SPTLC2: variants seen among roughly 807,000 people sequenced by gnomAD.
SPTLC2 encodes serine palmitoyltransferase long chain base subunit 2.
Under a neutral mutation model 62.0 loss-of-function variants are expected in SPTLC2, and 21 were observed. The observed-to-expected ratio is 0.34, with a 90% CI of 0.24 to 0.49. SPTLC2 has a LOEUF of 0.49. SPTLC2 is among the 20% of genes least tolerant of loss of function. The pLI is 0.99. For synonymous variants in SPTLC2, 261 were observed against 261.8 expected, an observed-to-expected ratio of 1.00 and a Z score of 0.03; for missense variants, 511 against 713.0, an observed-to-expected ratio of 0.72 and a Z score of 3.23.
intron 1 of SPTLC2, among the ~76,000 whole-genome samples, chr14:77,604,297 A>T (rs1203431947): frequency 4.0e-5 from 6 of 151,684 alleles, no homozygotes; most frequent in African/African-American, 1.5e-4. Context: ...GGGTTCACAA[A>T]CTCCTGCCAC....
intron 3 of SPTLC2, among the ~76,000 whole-genome samples, chr14:77,577,440 CTG>C (rs1230764423): frequency 2.0e-5 from 3 of 152,150 alleles, no homozygotes; most frequent in Admixed American, 6.5e-5. Context: ...TAAGGATAAA[CTG>C]TTACTGTTTT....
At chr14:77,574,424 G>C (rs1005799541) in intron 4 of SPTLC2, among the ~76,000 whole-genome samples, 24 of 152,286 alleles carry the variant, frequency 1.6e-4, no homozygotes, top group African/African-American at 5.8e-4. Context: ...GGTCTCTTTG[G>C]AAAACAGTTT....
At chr14:77,572,150 T>A (rs1386373350) in intron 4 of SPTLC2, among the ~76,000 whole-genome samples, 1 of 152,248 alleles carries the variant, frequency 6.6e-6, no homozygotes, top group Non-Finnish European at 1.5e-5. Context: ...ATGTCGCCAC[T>A]GCACAATGCT....
rs1423406419 is a variant in SPTLC2 at position 77,507,078 on chromosome 14, CAG to C, written c.*5204_*5205del. ...GGGTGGACTGTGAATGTGACACTTC[CAG>C]ACTCACCAGAGATTAGAAAAAACAT... is the stretch of plus-strand genomic sequence containing the variant. On this transcript the variant is annotated 3_prime_UTR_variant, in exon 12 of 12. Coordinates refer to ENST00000216484, the MANE Select transcript of SPTLC2 (RefSeq NM_004863.4). 2 of 152,234 alleles carry C rather than the reference CAG, an allele frequency of 1.3e-5. No homozygotes were observed. The highest frequency in any genetic ancestry group is 2.9e-5 in the Non-Finnish European group (2 of 68,058). The allele number at this position is 152,234 out of a possible 1,614,324, so 9.4% of individuals were successfully genotyped here. A position where few individuals can be genotyped will look rare whatever the true frequency, so the allele number is the denominator to read the frequency against.
At chr14:77,573,212 AAAGCTGGT>A (rs2079693772) in intron 4 of SPTLC2, among the ~76,000 whole-genome samples, 1 of 152,138 alleles carries the variant, frequency 6.6e-6, no homozygotes, top group South Asian at 2.1e-4. Flanking sequence ...GAGATGAAGA[AAAGCTGGT>A]AAATGGGTAC....
chr14:77,512,070 C>T lies in SPTLC2; in HGVS notation c.*214G>A, dbSNP rs145806321. ...CTGAAAAAGCAAAGTGAGTCACCTT[C>T]GTTTTTAAAGGTGAGATTTAGCAAA... On this transcript the variant is annotated 3_prime_UTR_variant, in exon 12 of 12. Transcript: ENST00000216484. 172 of 616,830 alleles carry T rather than the reference C, an allele frequency of 2.8e-4. 1 individual carries two copies. In the African/African-American group the frequency reaches 2.9e-3, roughly 10 times the overall value. 38.2% of individuals were successfully genotyped at this position (616,830 alleles called of 1,614,324 possible). A position where few individuals can be genotyped will look rare whatever the true frequency, so the allele number is the denominator to read the frequency against.
intron 2 of SPTLC2, among the ~76,000 whole-genome samples, chr14:77,592,630 G>A (rs941223231): frequency 1.3e-5 from 2 of 151,984 alleles, no homozygotes; most frequent in South Asian, 4.1e-4. Context: ...AGGTTCAGGG[G>A]TACGTGTGCA....
intron 10 of SPTLC2, among the ~76,000 whole-genome samples, chr14:77,519,533 A>G (rs1312183728): frequency 6.6e-6 from 1 of 151,986 alleles, no homozygotes; most frequent in Non-Finnish European, 1.5e-5. Flanking sequence ...CCTGGCCAAC[A>G]TGGTTAGACC....
intron 2 of SPTLC2, among the ~76,000 whole-genome samples, chr14:77,584,519 A>C: frequency 2.5e-5 from 1 of 39,554 alleles, no homozygotes; most frequent in African/African-American, 8.6e-5. Flanking sequence ...TAAGGAAGAT[A>C]TTTCTTACAC....
At chr14:77,519,888 C>CTTT (rs58938174) in intron 10 of SPTLC2, among the ~76,000 whole-genome samples, 3 of 150,284 alleles carry the variant, frequency 2.0e-5, no homozygotes, top group African/African-American at 4.9e-5. Flanking sequence ...TTCTCTAAAT[C>CTTT]TTTTTTTTTT....
At chr14:77,525,087 A>G (rs1378883727) in intron 9 of SPTLC2, among the ~76,000 whole-genome samples, 2 of 152,170 alleles carry the variant, frequency 1.3e-5, no homozygotes, top group Non-Finnish European at 2.9e-5. Context: ...TACCGTATGC[A>G]TCTATCAAAA....
At chr14:77,561,777 A>T (rs1464765887) in intron 6 of SPTLC2, among the ~76,000 whole-genome samples, 1 of 152,190 alleles carries the variant, frequency 6.6e-6, no homozygotes, top group Admixed American at 6.5e-5. Context: ...TTTGGTATAC[A>T]TTCTTCCAAA....
intron 8 of SPTLC2, among the ~76,000 whole-genome samples, chr14:77,553,503 G>C (rs767809218): frequency 6.6e-6 from 1 of 151,870 alleles, no homozygotes; most frequent in Non-Finnish European, 1.5e-5. Context: ...AGGCCGAGGC[G>C]GGCAGATCAC....
At chr14:77,573,038 C>CT (rs971726035) in intron 4 of SPTLC2, among the ~76,000 whole-genome samples, 3 of 152,118 alleles carry the variant, frequency 2.0e-5, no homozygotes, top group Admixed American at 1.3e-4. Context: ...TCTTCGAGAA[C>CT]TTTTTTTGCA....
At chr14:77,599,070 C>T (rs1332058573) in intron 1 of SPTLC2, among the ~76,000 whole-genome samples, 2 of 152,178 alleles carry the variant, frequency 1.3e-5, no homozygotes, top group Non-Finnish European at 2.9e-5. Flanking sequence ...AAGATTATCC[C>T]TTGTTTTAAC....
chr14:77,536,818 T>A (rs1359379436), intron 9 of SPTLC2, among the ~76,000 whole-genome samples: 1 of 152,162 alleles, frequency 6.6e-6, no homozygotes, highest in Non-Finnish European at 1.5e-5. Context: ...TATGGACAAT[T>A]TTCTGCAGTT....
chr14:77,607,805 G>A lies in SPTLC2; in HGVS notation c.132+8643C>T, dbSNP rs370157515. ...CGCACCAACTAATTTAGTTGTCCTG[G>A]AAATAACCTGCTTGCCTATGTAAAA... is the stretch of plus-strand genomic sequence containing the variant. On this transcript the variant is annotated intron_variant, in intron 1 of 11. Transcript: ENST00000216484. 2.6e-5 allele frequency among the ~76,000 whole-genome samples: 4 copies of A among 152,142 alleles called. No individual in the cohort carries two copies. In the East Asian group the frequency reaches 7.7e-4, roughly 29 times the overall value.
chr14:77,517,628 CAAGA>C (rs2079365343), intron 11 of SPTLC2, among the ~76,000 whole-genome samples: 1 of 152,114 alleles, frequency 6.6e-6, no homozygotes, highest in Non-Finnish European at 1.5e-5. Flanking sequence ...GAACACAGAG[CAAGA>C]AGGTGTGGGG....
chr14:77,564,823 T>C (rs1566781879), intron 5 of SPTLC2, among the ~76,000 whole-genome samples: 1 of 151,644 alleles, frequency 6.6e-6, no homozygotes, highest in Admixed American at 6.6e-5. Flanking sequence ...AGCCAAATAA[T>C]AAAAATATTC....
Sources: allele counts gnomAD v4.1 joint callset (sites outside exome capture counted in the v4.1 genomes callset), GRCh38; gene constraint gnomAD v4.1.1; transcripts MANE v1.5; gene names NCBI Gene and HGNC (gene_info 2026-07-23, HGNC 2026-07-21).